The following DHX16 variants were observed in gnomAD, a reference collection of about 807,000 sequenced individuals.
DHX16 encodes DEAH-box helicase 16.
In DHX16, 81 loss-of-function variants were observed where a neutral mutation model predicts 131.2. That is an observed-to-expected ratio of 0.62 (90% CI 0.52 to 0.74). The LOEUF is 0.74. Among genes scored for constraint, DHX16 ranks in the 30% least tolerant of loss-of-function variants. The probability of loss-of-function intolerance (pLI) is 0.00; values close to 1 mark genes in which losing one functional copy is unlikely to be tolerated. For missense variants in DHX16, 980 were observed against 1,363.1 expected, an observed-to-expected ratio of 0.72 and a Z score of 4.43; for synonymous variants, 440 against 520.2, an observed-to-expected ratio of 0.85 and a Z score of 2.10.
rs774165829 is a variant in DHX16 at position 30,656,175 on chromosome 6, C to T, written c.2498+23G>A. On this transcript the variant is annotated intron_variant, in intron 16 of 19. Transcript: ENST00000376442. This position sits in a 1 kb window ranked among gnomAD's most constrained non-coding sequence, Gnocchi z 5.1. ...GCCTGGCCTGTTTGTGTGCTGGGGG[C>T]CCAGGTGGAGGCGAGGGCTTACTTC... 2 of 1,610,864 alleles carry T rather than the reference C, an allele frequency of 1.2e-6. No individual in the cohort carries two copies. Among genetic ancestry groups the T allele is most frequent in the Non-Finnish European group, 1.7e-6 (2 of 1,179,600 alleles).
chr6:30,671,384 C>T, intron 1 of DHX16, 110 bp from the exon 2 acceptor site: 1 of 1,017,334 alleles, frequency 9.8e-7, no homozygotes, highest in Non-Finnish European at 1.5e-6. Flanking sequence ...GCCCCCGCGG[C>T]CCGGCCCCAC....
Position 30,672,675 on chromosome 6 carries a change from C to T in DHX16, c.167G>A (p.Ser56Asn). The T allele has an allele frequency of 6.2e-7, 1 of 1,612,922 alleles. No individual in the cohort carries two copies. The highest frequency in any genetic ancestry group is 1.1e-5 in the South Asian group (1 of 91,082). The change falls in exon 1 of 20, where the codon AGT becomes AAT. Residue 56 changes from serine (S) to asparagine (N), a missense_variant. Transcript: ENST00000376442. Reference protein sequence around the residue: ...RLRDTDTLDLSGPARDFALRL... With the variant: ...RLRDTDTLDLNGPARDFALRL... ...CAGGGCGAAGTCCCGGGCCGGCCCA[C>T]TGAGATCCAAGGTATCAGTGTCTCG...
At position 30,655,664 on chromosome 6, in the gene DHX16, G is replaced by A; in HGVS notation, c.2499-67C>T. ...ATAGGAACAGATATGGTGGAGTGGG[G>A]AGTGATCACTGTGTGATGGATGTTT... On this transcript the variant is annotated intron_variant, in intron 16 of 19. Coordinates refer to ENST00000376442, the MANE Select transcript of DHX16 (RefSeq NM_003587.5). 6.4e-6 allele frequency: 10 copies of A among 1,562,040 alleles called. No homozygotes were observed. In the South Asian group the frequency reaches 7.9e-5, roughly 12 times the overall value.
chr6:30,669,289 T>C (rs1399925265), intron 4 of DHX16, among the ~76,000 whole-genome samples: 1 of 148,990 alleles, frequency 6.7e-6, no homozygotes, highest in Non-Finnish European at 1.5e-5. Context: ...AGTGTGGTAC[T>C]GCAGGCCTGT....
At chr6:30,659,662 GTC>G in intron 11 of DHX16, 38 bp from the exon 12 acceptor site, 1 of 1,613,536 alleles carries the variant, frequency 6.2e-7, no homozygotes, top group Non-Finnish European at 8.5e-7. Flanking sequence ...GGGTCCCAGA[GTC>G]ACAGAAGGCC....
At position 30,656,509 on chromosome 6, in the gene DHX16, C is replaced by T. The variant is rs1357471715; in HGVS notation, c.2312G>A (p.Gly771Glu). The T allele has an allele frequency of 1.2e-6, 2 of 1,614,100 alleles. No individual in the cohort carries two copies. Among genetic ancestry groups the T allele is most frequent in the East Asian group, 4.5e-5 (2 of 44,874 alleles). Residue 771 changes from glycine (G) to glutamate (E), a missense_variant and splice_region_variant, in exon 15 of 20, where the codon GGG becomes GAG. This residue lies in a region of DHX16 where 309 missense variants were observed against 537.1 expected (regional missense o/e 0.58). Coordinates refer to ENST00000376442, the MANE Select transcript of DHX16 (RefSeq NM_003587.5). The surrounding 1 kb of genome is among the most constrained non-coding windows in gnomAD (Gnocchi z 5.1). ...GNVVLLLKSL[G>E]IHDLMHFDFL... ...ATCAAAGTGCATTAGGTCATGGATC[C>T]CTAGAAAGAGGTGTGATGGATGGAA...
intron 12 of DHX16, among the ~76,000 whole-genome samples, chr6:30,658,458 G>A (rs1200988390): frequency 6.6e-6 from 1 of 151,508 alleles, no homozygotes; most frequent in East Asian, 1.9e-4. Flanking sequence ...CAGGAGAATC[G>A]CTTGAACCTG....
Position 30,653,273 on chromosome 6 carries a change from T to G in DHX16, c.3095A>C (p.Lys1032Thr). ...EDPHAKKMPK[K>T]IGKTREELG ...TAGCTCTTCTCGTGTTTTGCCTATT[T>G]TTTTGGGCATTTTCTTAGCATGGGG... is the stretch of plus-strand genomic sequence containing the variant. Residue 1032 changes from lysine (K) to threonine (T), a missense_variant, in exon 20 of 20, where the codon AAA (lysine) becomes ACA (threonine). This residue lies in a region of DHX16 where 214 missense variants were observed against 271.2 expected (regional missense o/e 0.79). Transcript: ENST00000376442. 1 of 1,613,026 alleles carries G rather than the reference T, an allele frequency of 6.2e-7. No individual in the cohort carries two copies. Among genetic ancestry groups the G allele is most frequent in the Non-Finnish European group, 8.5e-7 (1 of 1,180,020 alleles).
In DHX16 at chr6:30,656,326, AG is replaced by A. The variant is rs1767978774; in HGVS notation, c.2431-62del. On this transcript the variant is annotated intron_variant, in intron 15 of 19. Coordinates refer to ENST00000376442, the MANE Select transcript of DHX16 (RefSeq NM_003587.5). The surrounding 1 kb of genome is among the most constrained non-coding windows in gnomAD (Gnocchi z 5.1). ...CCCTCAGGTTTCCCGCTACTACTAC[AG>A]GGGTCCCTGGAGCCATCCTGACCCC... 2 of 1,610,784 alleles carry A rather than the reference AG, an allele frequency of 1.2e-6. No homozygotes were observed. The highest frequency in any genetic ancestry group is 2.2e-5 in the South Asian group (2 of 91,018).
rs764473817 is a variant in DHX16 at position 30,656,673 on chromosome 6, G to A, written c.2235C>T (p.His745=). The A allele has an allele frequency of 5.0e-6, 8 of 1,613,966 alleles. No homozygotes were observed. The highest frequency in any genetic ancestry group is 2.2e-5 in the East Asian group (1 of 44,878). The change falls in exon 14 of 20, where the codon CAC becomes CAT. Residue 745 remains histidine, a synonymous_variant. Coordinates refer to ENST00000376442, the MANE Select transcript of DHX16 (RefSeq NM_003587.5). This position sits in a 1 kb window ranked among gnomAD's most constrained non-coding sequence, Gnocchi z 5.1. ...FRLYTAWAYQ[H]ELEETTVPEI... is the part of the protein sequence containing the mutation. ...CAGGCACTGTGGTTTCCTCAAGCTC[G>A]TGCTGATAGGCCCAGGCGGTATACA...
Position 30,672,911 on chromosome 6 carries a change from G to C in DHX16, c.-70C>G. ...CGCGCTCACTGCTGGGCCGGTCAGAGGCCTGGAGCCCTCGGCTGGAGCCTC... is the reference window on the plus strand; with the variant it reads ...CGCGCTCACTGCTGGGCCGGTCAGACGCCTGGAGCCCTCGGCTGGAGCCTC... On this transcript the variant is annotated 5_prime_UTR_variant, in exon 1 of 20. Coordinates refer to ENST00000376442, the MANE Select transcript of DHX16 (RefSeq NM_003587.5). 2 of 1,592,506 alleles carry C rather than the reference G, an allele frequency of 1.3e-6. No homozygotes were observed.
At chr6:30,655,682 G>A in intron 16 of DHX16, 85 bp from the exon 17 acceptor site, 1 of 1,477,440 alleles carries the variant, frequency 6.8e-7, no homozygotes. Context: ...ACTGTGTGAT[G>A]GATGTTTCCT....
rs1582967274 is a variant in DHX16, at chr6:30,670,190, T to C, written c.666+220A>G. Among the ~76,000 whole-genome samples, 1 of 152,292 alleles carries C rather than the reference T, an allele frequency of 6.6e-6. No homozygotes were observed. Among genetic ancestry groups the C allele is most frequent in the South Asian group, 2.1e-4 (1 of 4,820 alleles). ...AAAGTTAAGAGTCAAGGAGGACTTA[T>C]GGGTAGCCTCCTTCCCCCTACAACT... On this transcript the variant is annotated intron_variant, in intron 4 of 19. Transcript: ENST00000376442. This position sits in a 1 kb window ranked among gnomAD's most constrained non-coding sequence, Gnocchi z 4.4.
At chr6:30,671,465 A>G (rs1769546393) in intron 1 of DHX16, among the ~76,000 whole-genome samples, 191 bp from the exon 2 acceptor site, 1 of 152,150 alleles carries the variant, frequency 6.6e-6, no homozygotes, top group Non-Finnish European at 1.5e-5. Flanking sequence ...CTCCTGCCTC[A>G]GCCTCCCAAG....
Position 30,670,570 on chromosome 6 carries a change from C to A in DHX16, c.610-104G>T. ...AGGATCATTCAGATGCGCCCTAACA[C>A]AAAAAATGTCCCCTCTCAGTGAGGA... On this transcript the variant is annotated intron_variant, in intron 3 of 19. Transcript: ENST00000376442. This position sits in a 1 kb window ranked among gnomAD's most constrained non-coding sequence, Gnocchi z 4.4. 2.3e-6 allele frequency: 3 copies of A among 1,324,134 alleles called. No homozygotes were observed. The Admixed American group carries it at 6.5e-5, about 29-fold the overall frequency. 82.0% of individuals were successfully genotyped at this position (1,324,134 alleles called of 1,614,324 possible).
Position 30,656,557 on chromosome 6 carries a change from G to A in DHX16, c.2311+40C>T. 6.2e-7 allele frequency: 1 copy of A among 1,614,118 alleles called. No individual in the cohort carries two copies. Among genetic ancestry groups the A allele is most frequent in the Non-Finnish European group, 8.5e-7 (1 of 1,179,982 alleles). Reference sequence around the variant, plus strand: ...GAACAGAGTCCCTTCAAAGGACAGTGACTCCAGCCCCTCCCTCCTCTCTCA... The same window carrying A: ...GAACAGAGTCCCTTCAAAGGACAGTAACTCCAGCCCCTCCCTCCTCTCTCA... On this transcript the variant is annotated intron_variant, in intron 14 of 19. Coordinates refer to ENST00000376442, the MANE Select transcript of DHX16 (RefSeq NM_003587.5). The surrounding 1 kb of genome is among the most constrained non-coding windows in gnomAD (Gnocchi z 5.1).
intron 19 of DHX16, among the ~76,000 whole-genome samples, chr6:30,654,308 C>G (rs1767748378): frequency 6.6e-6 from 1 of 152,090 alleles, no homozygotes; most frequent in Admixed American, 6.5e-5. Flanking sequence ...TGGCTCACAC[C>G]TGTAATCCCT....
chr6:30,654,089 C>T (rs890462479), intron 19 of DHX16, among the ~76,000 whole-genome samples: 8 of 148,766 alleles, frequency 5.4e-5, no homozygotes, highest in African/African-American at 1.8e-4. Context: ...TGCACTCCAG[C>T]CTGGGCTACA....
rs1371208327 is a variant in DHX16, at chr6:30,662,059, G to A, written c.1544+568C>T. 2 of 583,668 alleles carry A rather than the reference G, an allele frequency of 3.4e-6. No individual in the cohort carries two copies. Among genetic ancestry groups the A allele is most frequent in the Non-Finnish European group, 6.2e-6 (2 of 323,562 alleles). The allele number at this position is 583,668 out of a possible 1,614,324, so 36.2% of individuals were successfully genotyped here. ...CACATGTTCAACCAACCCCTGCTTG[G>A]CCATTTCCAGCACTAAGAGCTCATT... is the stretch of plus-strand genomic sequence containing the variant. On this transcript the variant is annotated intron_variant, in intron 9 of 19. Coordinates refer to ENST00000376442, the MANE Select transcript of DHX16 (RefSeq NM_003587.5). The surrounding 1 kb of genome is among the most constrained non-coding windows in gnomAD (Gnocchi z 4.7).
Sources: gnomAD v4.1 joint callset for allele counts (sites outside exome capture counted in the v4.1 genomes callset) on GRCh38, gnomAD v4.1.1 for gene constraint, gnomAD v4.1.1 regional missense constraint, Gnocchi (gnomAD v3.1) non-coding constraint, MANE v1.5 for transcripts, NCBI Gene and HGNC (gene_info 2026-07-23, HGNC 2026-07-21) for gene names.